The following SYT1 variants were observed in gnomAD, a reference collection of about 807,000 sequenced individuals.
The protein encoded by SYT1 is synaptotagmin 1.
Under a neutral mutation model 44.8 loss-of-function variants are expected in SYT1, and 8 were observed. That is an observed-to-expected ratio of 0.18 (90% CI 0.10 to 0.32). The LOEUF (loss-of-function observed/expected upper bound fraction) is 0.32, where lower values mean the gene tolerates loss of function less well. Among genes scored for constraint, SYT1 ranks in the 10% least tolerant of loss-of-function variants. The pLI is 1.00. For missense variants in SYT1, 286 were observed against 509.3 expected (o/e 0.56, Z 4.22); for synonymous variants, 154 against 188.8 (o/e 0.82, Z 1.51).
chr12:78,869,522 C>T (rs1213445195), intron 1 of SYT1, among the ~76,000 whole-genome samples: 2 of 151,906 alleles, frequency 1.3e-5, no homozygotes, highest in Middle Eastern at 3.4e-3. Flanking sequence ...ATGGTAAACA[C>T]TAGAGATGCT....
chr12:79,090,673 C>A (rs921580017), intron 3 of SYT1, among the ~76,000 whole-genome samples: 1 of 151,920 alleles, frequency 6.6e-6, no homozygotes, highest in Non-Finnish European at 1.5e-5. Context: ...TTATTACATG[C>A]ACGTGCACAG....
intron 3 of SYT1, among the ~76,000 whole-genome samples, chr12:79,127,184 C>T (rs910785416): frequency 6.6e-6 from 1 of 152,262 alleles, no homozygotes; most frequent in Non-Finnish European, 1.5e-5. Flanking sequence ...GCTTCACTCT[C>T]TTCAACCAGG....
Position 78,946,458 on chromosome 12 carries a change from C to T in SYT1, c.-216-31341C>T, listed in dbSNP as rs376442797. The stretch of plus-strand genomic sequence containing the variant: ...TCACTTGAGGTCAGGAGTTCAAGAC[C>T]AGCCTGGCCAACAAGGCAAAACTGC... On this transcript the variant is annotated intron_variant, in intron 1 of 10. Transcript: ENST00000261205. 3.2e-4 allele frequency among the ~76,000 whole-genome samples: 49 copies of T among 152,204 alleles called. No individual in the cohort carries two copies. In the South Asian group the frequency reaches 0.01, roughly 32 times the overall value.
intron 3 of SYT1, among the ~76,000 whole-genome samples, chr12:79,178,435 T>G (rs1468389236): frequency 6.6e-6 from 1 of 152,080 alleles, no homozygotes; most frequent in Non-Finnish European, 1.5e-5. Flanking sequence ...CTGACATGTC[T>G]CCAACAGATT....
intron 1 of SYT1, among the ~76,000 whole-genome samples, chr12:78,876,459 AGG>A (rs1243984912): frequency 1.1e-4 from 9 of 81,844 alleles, no homozygotes; most frequent in Non-Finnish European, 1.7e-4. Context: ...TTGAAAATGG[AGG>A]TGTTTTTTTT....
At chr12:79,442,777 G>T in intron 9 of SYT1, among the ~76,000 whole-genome samples, 1 of 151,952 alleles carries the variant, frequency 6.6e-6, no homozygotes, top group Non-Finnish European at 1.5e-5. Context: ...AAAATAGGTG[G>T]GCATTAGACT....
At position 79,018,008 on chromosome 12, in the gene SYT1, T is replaced by A. The variant is rs530798482; in HGVS notation, c.-83-29289T>A. Among the ~76,000 whole-genome samples, 8 of 152,040 alleles carry A rather than the reference T, an allele frequency of 5.3e-5. 1 individual carries two copies. The highest frequency in any genetic ancestry group is 6.8e-3 in the Middle Eastern group (2 of 294). ...TGGATAATGAGGACAAAGAAGGACATGAAGAGCAGATCTAGGTTTAGGGCA... is the reference window on the plus strand; with the variant it reads ...TGGATAATGAGGACAAAGAAGGACAAGAAGAGCAGATCTAGGTTTAGGGCA... On this transcript the variant is annotated intron_variant, in intron 2 of 10. Transcript: ENST00000261205.
chr12:79,011,999 G>GT (rs879835881), intron 2 of SYT1, among the ~76,000 whole-genome samples: 10 of 151,970 alleles, frequency 6.6e-5, no homozygotes, highest in Non-Finnish European at 1.3e-4. Flanking sequence ...GGGCATGGTG[G>GT]TGTGCACCTG....
rs191435059 is a variant in SYT1 at position 78,890,003 on chromosome 12, C to A, written c.-217+24894C>A. Among the ~76,000 whole-genome samples, 7 of 152,034 alleles carry A rather than the reference C, an allele frequency of 4.6e-5. No individual in the cohort carries two copies. The East Asian group carries it at 1.2e-3, about 25-fold the overall frequency. On this transcript the variant is annotated intron_variant, in intron 1 of 10. Transcript: ENST00000261205. ...TGAGTTTTATTAAGTACATTCAGTA[C>A]AGTTTGCATCTGGGCCTCTGTTTTA...
chr12:79,330,677 C>G (rs1881814943), intron 8 of SYT1, among the ~76,000 whole-genome samples: 1 of 152,214 alleles, frequency 6.6e-6, no homozygotes, highest in Non-Finnish European at 1.5e-5. Flanking sequence ...TTGACATTGA[C>G]TAACATTTAT....
At chr12:79,319,619 A>G (rs1716079869) in intron 8 of SYT1, among the ~76,000 whole-genome samples, 1 of 152,168 alleles carries the variant, frequency 6.6e-6, no homozygotes, top group African/African-American at 2.4e-5. Flanking sequence ...CAACACCGCA[A>G]CACCACACAG....
chr12:79,360,033 G>T (rs749127319), intron 9 of SYT1, among the ~76,000 whole-genome samples: 9 of 152,136 alleles, frequency 5.9e-5, no homozygotes, highest in African/African-American at 2.2e-4. Context: ...GTATCTAGGG[G>T]TGGGAACCTG....
chr12:79,317,311 A>G (rs1881138718), intron 8 of SYT1, among the ~76,000 whole-genome samples: 1 of 152,184 alleles, frequency 6.6e-6, no homozygotes, highest in Admixed American at 6.5e-5. Flanking sequence ...CTGTCAGCCT[A>G]CTTTATGCAA....
chr12:79,297,730 G>T (rs1879942172), intron 7 of SYT1, among the ~76,000 whole-genome samples: 1 of 152,000 alleles, frequency 6.6e-6, no homozygotes, highest in African/African-American at 2.4e-5. Context: ...CTAGAGAACT[G>T]GTTAGACATT....
intron 9 of SYT1, among the ~76,000 whole-genome samples, chr12:79,434,571 A>C (rs757166994): frequency 4.3e-4 from 66 of 152,200 alleles, no homozygotes; most frequent in Non-Finnish European, 7.8e-4. Context: ...TGATGAACTA[A>C]GGCTTAATAA....
chr12:79,162,808 T>C (rs1217579584), intron 3 of SYT1, among the ~76,000 whole-genome samples: 1 of 152,132 alleles, frequency 6.6e-6, no homozygotes, highest in African/African-American at 2.4e-5. Flanking sequence ...ATTAATTTTT[T>C]ATGGTGTAGA....
chr12:78,934,247 C>T (rs568746454), intron 1 of SYT1, among the ~76,000 whole-genome samples: 8 of 151,796 alleles, frequency 5.3e-5, no homozygotes, highest in East Asian at 2.0e-4. Context: ...CTTGAATAAC[C>T]GTCATGTGTC....
At chr12:79,336,946 G>C (rs930629605) in intron 8 of SYT1, among the ~76,000 whole-genome samples, 2 of 151,894 alleles carry the variant, frequency 1.3e-5, no homozygotes, top group Non-Finnish European at 2.9e-5. Flanking sequence ...AAAATTTTGG[G>C]AGTACAGCAT....
intron 1 of SYT1, among the ~76,000 whole-genome samples, chr12:78,867,114 C>T (rs558852258): frequency 1.3e-5 from 2 of 151,290 alleles, no homozygotes; most frequent in Admixed American, 6.6e-5. Flanking sequence ...TTTAGAGGTG[C>T]CACCTTTTGG....
Sources: gnomAD v4.1 joint callset for allele counts (sites outside exome capture counted in the v4.1 genomes callset) on GRCh38, gnomAD v4.1.1 for gene constraint, MANE v1.5 for transcripts, NCBI Gene and HGNC (gene_info 2026-07-23, HGNC 2026-07-21) for gene names.